The following GRIK2 variants were observed in gnomAD, a reference collection of about 807,000 sequenced individuals.
The protein encoded by GRIK2 is glutamate receptor ionotropic, kainate 2.
Under a neutral mutation model 100.3 loss-of-function variants are expected in GRIK2, and 32 were observed. The ratio of observed to expected loss-of-function variants is 0.32; its 90% CI spans 0.24 to 0.43. The LOEUF (loss-of-function observed/expected upper bound fraction) is 0.43. GRIK2 is among the 20% of genes least tolerant of loss of function. The probability of loss-of-function intolerance (pLI) is 1.00; values close to 1 mark genes in which losing one functional copy is unlikely to be tolerated. For missense variants in GRIK2, 843 were observed against 1,114.9 expected, an observed-to-expected ratio of 0.76 and a Z score of 3.47; for synonymous variants, 417 against 389.4, an observed-to-expected ratio of 1.07 and a Z score of -0.83.
chr6:101,928,268 GT>G (rs2128471564), intron 13 of GRIK2, 146 bp from the exon 14 acceptor site: 2 of 610,914 alleles, frequency 3.3e-6, no homozygotes, highest in South Asian at 2.0e-5. Context: ...TTTCCCAATG[GT>G]TGTTGCTTGC....
chr6:101,440,112 A>G (rs1014470273), intron 2 of GRIK2, among the ~76,000 whole-genome samples: 3 of 152,202 alleles, frequency 2.0e-5, no homozygotes, highest in Non-Finnish European at 2.9e-5. Flanking sequence ...ATGTAAGATC[A>G]TAATATGCAG....
At chr6:101,793,059 C>T (rs2128409365) in intron 7 of GRIK2, among the ~76,000 whole-genome samples, 1 of 152,334 alleles carries the variant, frequency 6.6e-6, no homozygotes. Flanking sequence ...TCACCTCCGT[C>T]AGCTCCTTTA....
chr6:101,694,177 T>C (rs1301804896), intron 7 of GRIK2, among the ~76,000 whole-genome samples: 1 of 152,000 alleles, frequency 6.6e-6, no homozygotes, highest in Non-Finnish European at 1.5e-5. Context: ...AATGTGACCT[T>C]GAAAAACAAA....
At chr6:101,822,410 T>C (rs1035354294) in intron 10 of GRIK2, among the ~76,000 whole-genome samples, 8 of 151,316 alleles carry the variant, frequency 5.3e-5, no homozygotes, top group African/African-American at 1.9e-4. Context: ...TGAGGAGGAA[T>C]TAGCAAGGTG....
At chr6:101,934,610 T>C (rs1369356816) in intron 14 of GRIK2, among the ~76,000 whole-genome samples, 1 of 151,908 alleles carries the variant, frequency 6.6e-6, no homozygotes, top group Non-Finnish European at 1.5e-5. Flanking sequence ...AAAAAGTTGG[T>C]AGTTTACTGC....
intron 4 of GRIK2, among the ~76,000 whole-genome samples, chr6:101,634,665 T>C (rs1057436915): frequency 1.3e-5 from 2 of 152,000 alleles, no homozygotes; most frequent in Admixed American, 6.6e-5. Flanking sequence ...GAGATAAATA[T>C]AGACATGAGA....
At chr6:101,649,624 T>C (rs925124371) in intron 4 of GRIK2, among the ~76,000 whole-genome samples, 6 of 152,132 alleles carry the variant, frequency 3.9e-5, no homozygotes, top group African/African-American at 1.4e-4. Flanking sequence ...TTAGTCGAAC[T>C]GAGTCACCTT....
intron 7 of GRIK2, among the ~76,000 whole-genome samples, chr6:101,783,105 G>A (rs1380336695): frequency 3.3e-4 from 50 of 151,862 alleles, no homozygotes; most frequent in Admixed American, 2.6e-3. Context: ...TGATCCACCC[G>A]CCTCGGCCTC....
intron 7 of GRIK2, among the ~76,000 whole-genome samples, chr6:101,702,240 A>C (rs1367879254): frequency 6.6e-6 from 1 of 152,052 alleles, no homozygotes; most frequent in Non-Finnish European, 1.5e-5. Flanking sequence ...TGTTTCACTT[A>C]AAAGAAACAA....
intron 7 of GRIK2, among the ~76,000 whole-genome samples, chr6:101,692,762 T>C (rs990318599): frequency 6.6e-6 from 1 of 152,078 alleles, no homozygotes; most frequent in Non-Finnish European, 1.5e-5. Context: ...TTAACATAAA[T>C]GTTATAACTA....
At chr6:101,670,634 T>C (rs1770362979) in intron 4 of GRIK2, among the ~76,000 whole-genome samples, 1 of 152,196 alleles carries the variant, frequency 6.6e-6, no homozygotes. Flanking sequence ...AATATGTAAC[T>C]ATATAACGCC....
In GRIK2 at chr6:101,986,475, C is replaced by T. The variant is rs928366097; in HGVS notation, c.2086-48866C>T. ...CATATTTTCTTCTGCATAGTTTGAA[C>T]GTGACAGCTCTCTTTTTTAATTGCA... On this transcript the variant is annotated intron_variant, in intron 14 of 16. Transcript: ENST00000369134. 1.5e-4 allele frequency among the ~76,000 whole-genome samples: 23 copies of T among 151,932 alleles called. No homozygotes were observed. The South Asian group carries it at 3.9e-3, about 26-fold the overall frequency.
intron 11 of GRIK2, among the ~76,000 whole-genome samples, chr6:101,867,353 A>G (rs1331680714): frequency 6.9e-6 from 1 of 144,118 alleles, no homozygotes; most frequent in Non-Finnish European, 1.5e-5. Flanking sequence ...TATGAAAAGT[A>G]TATAACATTT....
chr6:101,508,345 G>T (rs1295320856), intron 2 of GRIK2, among the ~76,000 whole-genome samples: 11 of 152,030 alleles, frequency 7.2e-5, no homozygotes, highest in Non-Finnish European at 1.3e-4. Flanking sequence ...AAAACAAGAG[G>T]ATAAATGTGT....
At chr6:102,031,166 C>T (rs184319320) in intron 14 of GRIK2, among the ~76,000 whole-genome samples, 48 of 149,914 alleles carry the variant, frequency 3.2e-4, no homozygotes, top group Admixed American at 3.3e-4. Flanking sequence ...ATCTCCAACA[C>T]CATTTCCAGA....
chr6:102,062,872 CTT>C (rs1344809740), intron 16 of GRIK2, among the ~76,000 whole-genome samples: 4 of 150,400 alleles, frequency 2.7e-5, no homozygotes, highest in African/African-American at 9.7e-5. Flanking sequence ...AATATTATAT[CTT>C]ATATCCTATG....
intron 10 of GRIK2, among the ~76,000 whole-genome samples, chr6:101,839,251 G>T (rs1027742486): frequency 1.3e-5 from 2 of 152,188 alleles, no homozygotes; most frequent in African/African-American, 4.8e-5. Context: ...GGCAATGCCA[G>T]TGCTTACTTT....
chr6:101,630,381 T>C (rs11966881), intron 4 of GRIK2, among the ~76,000 whole-genome samples: 2,263 of 152,180 alleles, frequency 0.015, 68 homozygotes, highest in African/African-American at 0.052. Context: ...ATTTATTGTT[T>C]TGACTTCTTA....
chr6:101,849,940 C>T (rs1181772806), intron 10 of GRIK2, among the ~76,000 whole-genome samples: 1 of 146,106 alleles, frequency 6.8e-6, no homozygotes, highest in Non-Finnish European at 1.5e-5. Context: ...GCTGTTGCCA[C>T]AAATAAACTT....
Sources: allele counts gnomAD v4.1 joint callset (sites outside exome capture counted in the v4.1 genomes callset), GRCh38; gene constraint gnomAD v4.1.1; transcripts MANE v1.5; gene names NCBI Gene and HGNC (gene_info 2026-07-23, HGNC 2026-07-21).